Variants in MACROD2 observed in about 807,000 individuals in gnomAD.
The protein encoded by MACROD2 is ADP-ribose glycohydrolase MACROD2.
Under a neutral mutation model 70.4 loss-of-function variants are expected in MACROD2, and 36 were observed. The ratio of observed to expected loss-of-function variants is 0.51; its 90% CI spans 0.39 to 0.68. The LOEUF (loss-of-function observed/expected upper bound fraction) is 0.68. MACROD2 is among the 30% of genes least tolerant of loss of function. The probability of loss-of-function intolerance (pLI) is 0.00; values close to 1 mark genes in which losing one functional copy is unlikely to be tolerated. For synonymous variants in MACROD2, 172 were observed against 178.8 expected (o/e 0.96, Z 0.30); for missense variants, 496 against 538.4 (o/e 0.92, Z 0.78).
At chr20:14,544,344 G>A (rs1056191057) in intron 4 of MACROD2, among the ~76,000 whole-genome samples, 5 of 151,722 alleles carry the variant, frequency 3.3e-5, no homozygotes, top group African/African-American at 1.2e-4. Flanking sequence ...TGAGCAAAAT[G>A]AGTTTAAAAT....
chr20:14,912,990 C>T (rs1471569905), intron 5 of MACROD2, among the ~76,000 whole-genome samples: 1 of 152,028 alleles, frequency 6.6e-6, no homozygotes, highest in East Asian at 1.9e-4. Context: ...AGGATGAGTA[C>T]ACAAATTCTG....
intron 3 of MACROD2, among the ~76,000 whole-genome samples, chr20:14,273,154 T>A (rs1477797553): frequency 6.6e-6 from 1 of 152,172 alleles, no homozygotes; most frequent in Non-Finnish European, 1.5e-5. Context: ...CTAATAGACA[T>A]CTACAGAACT....
intron 4 of MACROD2, among the ~76,000 whole-genome samples, chr20:14,590,367 A>G (rs1041097827): frequency 6.6e-6 from 1 of 152,208 alleles, no homozygotes. Context: ...GTAAGGTGGT[A>G]GGCAGAACAT....
At chr20:15,310,843 A>G (rs1038324966) in intron 6 of MACROD2, among the ~76,000 whole-genome samples, 2 of 152,182 alleles carry the variant, frequency 1.3e-5, no homozygotes, top group Non-Finnish European at 2.9e-5. Flanking sequence ...AGGAAGATCA[A>G]CTATGGCTAG....
chr20:15,592,218 T>C (rs960997857), intron 8 of MACROD2, among the ~76,000 whole-genome samples: 2 of 152,194 alleles, frequency 1.3e-5, no homozygotes, highest in Non-Finnish European at 2.9e-5. Context: ...TGAGACAATA[T>C]GTGTAAATAC....
chr20:14,412,499 G>T (rs1051537108), intron 3 of MACROD2, among the ~76,000 whole-genome samples: 3 of 152,132 alleles, frequency 2.0e-5, no homozygotes, highest in African/African-American at 7.2e-5. Flanking sequence ...GACGTTAGGT[G>T]ACAGAGTTGA....
intron 10 of MACROD2, among the ~76,000 whole-genome samples, chr20:15,906,702 C>T (rs759394464): frequency 3.3e-5 from 5 of 152,154 alleles, no homozygotes; most frequent in African/African-American, 4.8e-5. Context: ...GACTTTACTG[C>T]CCTTGACACT....
intron 3 of MACROD2, among the ~76,000 whole-genome samples, chr20:14,278,217 T>C (rs1488874247): frequency 6.6e-6 from 1 of 152,234 alleles, no homozygotes; most frequent in Non-Finnish European, 1.5e-5. Context: ...TGTTCAGCAA[T>C]TTCCAAAAAG....
At chr20:16,004,566 T>A (rs1158435440) in intron 15 of MACROD2, among the ~76,000 whole-genome samples, 1 of 152,166 alleles carries the variant, frequency 6.6e-6, no homozygotes, top group African/African-American at 2.4e-5. Context: ...TGAAAGGTAG[T>A]TTTATTTAGC....
chr20:15,499,991 A>C, intron 8 of MACROD2, 144 bp downstream of exon 8: 1 of 687,696 alleles, frequency 1.5e-6, no homozygotes, highest in South Asian at 1.9e-5. Flanking sequence ...CACTTGGGTT[A>C]CATGAGTAAT....
At chr20:14,382,581 T>A (rs551251768) in intron 3 of MACROD2, among the ~76,000 whole-genome samples, 1 of 152,028 alleles carries the variant, frequency 6.6e-6, no homozygotes, top group East Asian at 2.0e-4. Flanking sequence ...GGCAGGAGAA[T>A]CGCTTGAACC....
chr20:14,339,277 A>C (rs533568708), intron 3 of MACROD2, among the ~76,000 whole-genome samples: 1 of 152,144 alleles, frequency 6.6e-6, no homozygotes, highest in Non-Finnish European at 1.5e-5. Flanking sequence ...TAAATCTAGG[A>C]GTTTTAGATT....
intron 7 of MACROD2, among the ~76,000 whole-genome samples, chr20:15,449,669 G>T (rs140328626): frequency 6.6e-6 from 1 of 152,042 alleles, no homozygotes; most frequent in Admixed American, 6.6e-5. Context: ...AATTAACCCA[G>T]GTTTCTTCTA....
At chr20:14,845,815 C>T (rs1427971267) in intron 5 of MACROD2, among the ~76,000 whole-genome samples, 4 of 151,980 alleles carry the variant, frequency 2.6e-5, no homozygotes, top group East Asian at 1.9e-4. Context: ...AAATGAGTCA[C>T]GACCAGTCAG....
chr20:14,851,607 A>C (rs2073200111), intron 5 of MACROD2, among the ~76,000 whole-genome samples: 1 of 152,190 alleles, frequency 6.6e-6, no homozygotes, highest in Non-Finnish European at 1.5e-5. Context: ...CAGGGATACT[A>C]AGATGAACGT....
chr20:14,805,819 C>T (rs2072632323), intron 5 of MACROD2, among the ~76,000 whole-genome samples: 2 of 151,970 alleles, frequency 1.3e-5, no homozygotes, highest in South Asian at 2.1e-4. Context: ...AAAAGTGAAC[C>T]CTAGCAAGTG....
chr20:14,731,825 C>G (rs1316747105), intron 5 of MACROD2, among the ~76,000 whole-genome samples: 1 of 151,988 alleles, frequency 6.6e-6, no homozygotes, highest in Non-Finnish European at 1.5e-5. Context: ...GAAGCAGATA[C>G]GAGAATCCAG....
chr20:14,982,670 C>A (rs1188248953), intron 5 of MACROD2, among the ~76,000 whole-genome samples: 1 of 152,186 alleles, frequency 6.6e-6, no homozygotes, highest in Non-Finnish European at 1.5e-5. Flanking sequence ...CTTGTGAGTG[C>A]ACAGAAGTCA....
chr20:14,966,608 C>T (rs993809773), intron 5 of MACROD2, among the ~76,000 whole-genome samples: 1 of 152,132 alleles, frequency 6.6e-6, no homozygotes, highest in African/African-American at 2.4e-5. Flanking sequence ...CTCATTTCAT[C>T]CTCTCTTCCC....
Sources: allele counts gnomAD v4.1 joint callset (sites outside exome capture counted in the v4.1 genomes callset), GRCh38; gene constraint gnomAD v4.1.1; transcripts MANE v1.5; gene names NCBI Gene and HGNC (gene_info 2026-07-23, HGNC 2026-07-21).